EPAS1: variants seen among roughly 807,000 people sequenced by gnomAD.
EPAS1 encodes endothelial PAS domain-containing protein 1.
Under a neutral mutation model 87.9 loss-of-function variants are expected in EPAS1, and 23 were observed. The observed-to-expected ratio is 0.26, with a 90% CI of 0.19 to 0.37. EPAS1 has a LOEUF of 0.37. EPAS1 is among the 10% of genes least tolerant of loss of function. The pLI, the probability that EPAS1 is intolerant of heterozygous loss-of-function variation, is 1.00. For missense variants in EPAS1, 1,138 were observed against 1,120.7 expected (o/e 1.02, Z -0.22); for synonymous variants, 508 against 444.3 (o/e 1.14, Z -1.80).
In EPAS1 at chr2:46,380,045, C is replaced by T. The variant is rs995795026; in HGVS notation, c.1555-182C>T. On this transcript the variant is annotated intron_variant, in intron 11 of 15. Coordinates refer to ENST00000263734, the MANE Select transcript of EPAS1 (RefSeq NM_001430.5). This position sits in a 1 kb window ranked among gnomAD's most constrained non-coding sequence, Gnocchi z 4.4. ...GGAAGGCTGGTACATGATACAAGGT[C>T]GTGTACATGACACAGCCAAGTCTGA... 2 of 874,984 alleles carry T rather than the reference C, an allele frequency of 2.3e-6. No homozygotes were observed. Among genetic ancestry groups the T allele is most frequent in the Non-Finnish European group, 3.8e-6 (2 of 531,196 alleles). 54.2% of individuals were successfully genotyped at this position (874,984 alleles called of 1,614,324 possible). A position where few individuals can be genotyped will look rare whatever the true frequency, so the allele number is the denominator to read the frequency against.
intron 1 of EPAS1, among the ~76,000 whole-genome samples, chr2:46,340,778 A>G (rs1386683128): frequency 6.6e-6 from 1 of 152,164 alleles, no homozygotes; most frequent in Non-Finnish European, 1.5e-5. Context: ...CCTGAGCTGG[A>G]GTGCAGTGGT....
At chr2:46,354,756 C>T (rs747559967) in intron 2 of EPAS1, among the ~76,000 whole-genome samples, 2 of 152,120 alleles carry the variant, frequency 1.3e-5, no homozygotes, top group African/African-American at 2.4e-5. Flanking sequence ...TTGAGATGCA[C>T]TCCTCTGATC....
intron 4 of EPAS1, among the ~76,000 whole-genome samples, chr2:46,357,175 T>C (rs1336765836): frequency 2.0e-5 from 3 of 152,200 alleles, no homozygotes; most frequent in Non-Finnish European, 4.4e-5. Flanking sequence ...ACTGTAGTTA[T>C]CTATTGCTGT....
intron 6 of EPAS1, among the ~76,000 whole-genome samples, chr2:46,364,845 C>T (rs1558603887): frequency 6.6e-6 from 1 of 152,162 alleles, no homozygotes; most frequent in Non-Finnish European, 1.5e-5. Flanking sequence ...CTGTCATTTA[C>T]TGTGCATCTG....
chr2:46,297,933 A>G lies in EPAS1; in HGVS notation c.22A>G (p.Lys8Glu). 1 of 1,612,702 alleles carries G rather than the reference A, an allele frequency of 6.2e-7. No individual in the cohort carries two copies. The highest frequency in any genetic ancestry group is 8.5e-7 in the Non-Finnish European group (1 of 1,179,390). The change falls in exon 1 of 16, where the codon AAA (lysine) becomes GAA (glutamate). Residue 8 changes from lysine (K) to glutamate (E), a missense_variant. Transcript: ENST00000263734. MTADKEK[K>E]RSSSERRKEK... ...GACAATGACAGCTGACAAGGAGAAG[A>G]AAAGGTAAGCGGGCGTCCGGGCCGA...
rs1035328458 is a variant in EPAS1 at position 46,380,048 on chromosome 2, G to C, written c.1555-179G>C. ...AGGCTGGTACATGATACAAGGTCGT[G>C]TACATGACACAGCCAAGTCTGAGGT... is the stretch of plus-strand genomic sequence containing the variant. On this transcript the variant is annotated intron_variant, in intron 11 of 15. Transcript: ENST00000263734. The surrounding 1 kb of genome is among the most constrained non-coding windows in gnomAD (Gnocchi z 4.4). 2 of 921,904 alleles carry C rather than the reference G, an allele frequency of 2.2e-6. No individual in the cohort carries two copies. The highest frequency in any genetic ancestry group is 1.6e-5 in the African/African-American group (1 of 61,990). The allele number at this position is 921,904 out of a possible 1,614,324, so 57.1% of individuals were successfully genotyped here.
intron 15 of EPAS1, among the ~76,000 whole-genome samples, chr2:46,384,293 C>G (rs1684961426): frequency 6.6e-6 from 1 of 152,194 alleles, no homozygotes; most frequent in South Asian, 2.1e-4. Context: ...GCACCTCACG[C>G]TTTCCTCTTT....
At chr2:46,354,974 T>C (rs145743090) in intron 2 of EPAS1, among the ~76,000 whole-genome samples, 341 of 152,242 alleles carry the variant, frequency 2.2e-3, no homozygotes, top group Non-Finnish European at 3.5e-3. Flanking sequence ...TGAAATCTGT[T>C]TTTTCTAAGA....
At chr2:46,373,174 G>C (rs992609353) in intron 7 of EPAS1, among the ~76,000 whole-genome samples, 41 of 152,068 alleles carry the variant, frequency 2.7e-4, no homozygotes, top group African/African-American at 9.7e-4. Flanking sequence ...TGTGGCACAG[G>C]GTTTTGTTTA....
chr2:46,302,271 C>G (rs1229524255), intron 1 of EPAS1, among the ~76,000 whole-genome samples: 1 of 151,894 alleles, frequency 6.6e-6, no homozygotes, highest in Non-Finnish European at 1.5e-5. Flanking sequence ...TTTTAGGCTC[C>G]TACATTTGAA....
Position 46,308,740 on chromosome 2 carries a change from A to G in EPAS1, c.26+10803A>G, listed in dbSNP as rs370236381. 1.2e-4 allele frequency among the ~76,000 whole-genome samples: 18 copies of G among 152,326 alleles called. No homozygotes were observed. In the South Asian group the frequency reaches 2.3e-3, roughly 19 times the overall value. ...GCTTCACTTCAAGAATGCCTTATAC[A>G]CTAATGTGAGTACAGCCAAACAGAA... On this transcript the variant is annotated intron_variant, in intron 1 of 15. Coordinates refer to ENST00000263734, the MANE Select transcript of EPAS1 (RefSeq NM_001430.5).
chr2:46,381,430 C>A, intron 12 of EPAS1, 166 bp from the exon 13 acceptor site: 1 of 1,051,052 alleles, frequency 9.5e-7, no homozygotes, highest in Non-Finnish European at 1.4e-6. Context: ...AGACAGAGCT[C>A]GAGCTCGGCC....
chr2:46,299,029 G>T (rs1465797856), intron 1 of EPAS1, among the ~76,000 whole-genome samples: 1 of 152,250 alleles, frequency 6.6e-6, no homozygotes, highest in Non-Finnish European at 1.5e-5. Flanking sequence ...CGCCTGAGCC[G>T]CGGGAAACCA....
Position 46,380,457 on chromosome 2 carries a change from G to A in EPAS1, c.1785G>A (p.Lys595=), listed in dbSNP as rs747680517. The change falls in exon 12 of 16, where the codon AAG becomes AAA. Residue 595 remains lysine (K), a synonymous_variant. Transcript: ENST00000263734. This position sits in a 1 kb window ranked among gnomAD's most constrained non-coding sequence, Gnocchi z 4.4. ...AGTTTCAGCAGCAGCTGGAGAGCAA[G>A]AAGACAGAGCCCGAGCACCGGCCCA... is the stretch of plus-strand genomic sequence containing the variant. The part of the protein sequence containing the change: ...LDKFQQQLES[K]KTEPEHRPMS... 6.2e-7 allele frequency: 1 copy of A among 1,614,146 alleles called. No homozygotes were observed. The highest frequency in any genetic ancestry group is 8.5e-7 in the Non-Finnish European group (1 of 1,180,026).
At chr2:46,377,744 C>T in intron 9 of EPAS1, 150 bp from the exon 10 acceptor site, 1 of 1,285,252 alleles carries the variant, frequency 7.8e-7, no homozygotes, top group Non-Finnish European at 1.1e-6. Flanking sequence ...CCCATGTGTT[C>T]CAGCTGAGCC....
At chr2:46,341,708 T>A (rs545479975) in intron 1 of EPAS1, among the ~76,000 whole-genome samples, 2 of 149,454 alleles carry the variant, frequency 1.3e-5, no homozygotes, top group South Asian at 4.2e-4. Flanking sequence ...GGCGTCAGTC[T>A]TCCATAGACA....
At position 46,380,091 on chromosome 2, in the gene EPAS1, G is replaced by A. The variant is rs912299074; in HGVS notation, c.1555-136G>A. The A allele has an allele frequency of 6.3e-5, 90 of 1,432,808 alleles. No homozygotes were observed. The highest frequency in any genetic ancestry group is 3.6e-4 in the Middle Eastern group (2 of 5,542). The allele number at this position is 1,432,808 out of a possible 1,614,324, so 88.8% of individuals were successfully genotyped here. ...TCTGAGGTTTTCCTGATAGGCCCTC[G>A]GGAGCCAGTGGAGGCGTTTGAGCAG... is the stretch of plus-strand genomic sequence containing the variant. On this transcript the variant is annotated intron_variant, in intron 11 of 15. Transcript: ENST00000263734. The surrounding 1 kb of genome is among the most constrained non-coding windows in gnomAD (Gnocchi z 4.4).
At chr2:46,337,864 TC>T (rs1438436893) in intron 1 of EPAS1, among the ~76,000 whole-genome samples, 1 of 152,144 alleles carries the variant, frequency 6.6e-6, no homozygotes, top group Admixed American at 6.5e-5. Context: ...CTTTTTTTTT[TC>T]TTTTTCTTTT....
Position 46,356,396 on chromosome 2 carries a change from C to T in EPAS1, c.369+94C>T. On this transcript the variant is annotated intron_variant, in intron 3 of 15. Transcript: ENST00000263734. ...TGCTAGCCACAATCCCACTTGACCTCTCCCTGCAAATGCCCACGGTGACCC... is the reference window on the plus strand; with the variant it reads ...TGCTAGCCACAATCCCACTTGACCTTTCCCTGCAAATGCCCACGGTGACCC... 2.6e-6 allele frequency: 4 copies of T among 1,526,966 alleles called. No homozygotes were observed. In the Admixed American group the frequency reaches 6.9e-5, roughly 26 times the overall value. The allele number at this position is 1,526,966 out of a possible 1,614,324, so 94.6% of individuals were successfully genotyped here.
Sources: gnomAD v4.1 joint callset for allele counts (sites outside exome capture counted in the v4.1 genomes callset) on GRCh38, gnomAD v4.1.1 for gene constraint, Gnocchi (gnomAD v3.1) non-coding constraint, MANE v1.5 for transcripts, NCBI Gene and HGNC (gene_info 2026-07-23, HGNC 2026-07-21) for gene names.